Variants in GRID1 observed in about 807,000 individuals in gnomAD.
GRID1 encodes the protein glutamate ionotropic receptor delta type subunit 1.
Under a neutral mutation model 98.0 loss-of-function variants are expected in GRID1, and 28 were observed. That is an observed-to-expected ratio of 0.29 (90% CI 0.21 to 0.39). GRID1 has a LOEUF of 0.39. Ranked by LOEUF, GRID1 falls within the 10% of genes least tolerant of loss-of-function variation. GRID1 has a pLI of 1.00. For missense variants in GRID1, 1,111 were observed against 1,340.5 expected, an observed-to-expected ratio of 0.83 and a Z score of 2.67; for synonymous variants, 553 against 538.5, an observed-to-expected ratio of 1.03 and a Z score of -0.37.
At chr10:86,322,882 A>G (rs1437610612) in intron 2 of GRID1, among the ~76,000 whole-genome samples, 1 of 150,898 alleles carries the variant, frequency 6.6e-6, no homozygotes, top group Non-Finnish European at 1.5e-5. Flanking sequence ...ACTTCAGGCC[A>G]GGAGTTCAAG....
At chr10:85,850,440 C>A (rs1180733361) in intron 8 of GRID1, among the ~76,000 whole-genome samples, 3 of 152,216 alleles carry the variant, frequency 2.0e-5, no homozygotes. Context: ...TCCCTCTCAG[C>A]CCTTGGTCTT....
intron 12 of GRID1, among the ~76,000 whole-genome samples, chr10:85,706,080 C>G (rs1479714687): frequency 6.6e-6 from 1 of 152,170 alleles, no homozygotes; most frequent in African/African-American, 2.4e-5. Flanking sequence ...CTCACCACTC[C>G]TATTTAACAT....
At chr10:85,924,307 A>AT (rs1396788070) in intron 4 of GRID1, among the ~76,000 whole-genome samples, 2 of 152,122 alleles carry the variant, frequency 1.3e-5, no homozygotes, top group Non-Finnish European at 2.9e-5. Context: ...TATACACTTG[A>AT]TTTTTGGTTA....
At chr10:86,018,420 T>C (rs777029251) in intron 4 of GRID1, among the ~76,000 whole-genome samples, 2 of 152,252 alleles carry the variant, frequency 1.3e-5, no homozygotes, top group Non-Finnish European at 2.9e-5. Flanking sequence ...ATGTAGCAAA[T>C]GCTACAAGAC....
chr10:85,935,369 T>C (rs1017617104), intron 4 of GRID1, among the ~76,000 whole-genome samples: 1 of 152,154 alleles, frequency 6.6e-6, no homozygotes, highest in Non-Finnish European at 1.5e-5. Context: ...AGATTACAAA[T>C]ATCCTCCCAA....
Position 86,064,043 on chromosome 10 carries a change from G to A in GRID1, c.726+74776C>T, listed in dbSNP as rs141900436. ...TAATGATGTTTATCTCAAGGTACTG[G>A]GAACTTGTGTAATTTTAAATTGTTC... On this transcript the variant is annotated intron_variant, in intron 4 of 15. Coordinates refer to ENST00000327946, the MANE Select transcript of GRID1 (RefSeq NM_017551.3). 9.7e-3 allele frequency among the ~76,000 whole-genome samples: 1,470 copies of A among 152,226 alleles called. 20 individuals are homozygous for A. The highest frequency in any genetic ancestry group is 0.024 in the Middle Eastern group (7 of 294).
intron 8 of GRID1, among the ~76,000 whole-genome samples, chr10:85,814,798 T>A (rs1842702027): frequency 6.6e-6 from 1 of 151,942 alleles, no homozygotes; most frequent in Non-Finnish European, 1.5e-5. Context: ...TAAAAACCTT[T>A]CAAAAGGCCC....
intron 4 of GRID1, among the ~76,000 whole-genome samples, chr10:86,049,444 T>A (rs192095876): frequency 1.1e-4 from 17 of 152,322 alleles, no homozygotes; most frequent in African/African-American, 4.1e-4. Context: ...CTGGTGGAGA[T>A]GCGGCTACTA....
At chr10:86,282,049 C>T (rs1477426626) in intron 2 of GRID1, among the ~76,000 whole-genome samples, 1 of 152,234 alleles carries the variant, frequency 6.6e-6, no homozygotes, top group East Asian at 1.9e-4. Context: ...CATCCCCATC[C>T]CACAGAGTGG....
At chr10:85,638,306 C>T (rs965243620) in intron 13 of GRID1, among the ~76,000 whole-genome samples, 1 of 151,958 alleles carries the variant, frequency 6.6e-6, no homozygotes, top group African/African-American at 2.4e-5. Context: ...AATGTAATAA[C>T]GATCAAAATC....
intron 2 of GRID1, among the ~76,000 whole-genome samples, chr10:86,222,562 G>A (rs1387467277): frequency 6.6e-6 from 1 of 152,108 alleles, no homozygotes; most frequent in Non-Finnish European, 1.5e-5. Flanking sequence ...TGGGGAGCAG[G>A]CCTGTTCACT....
chr10:85,765,732 A>T (rs1842191671), intron 8 of GRID1, among the ~76,000 whole-genome samples: 1 of 152,280 alleles, frequency 6.6e-6, no homozygotes, highest in South Asian at 2.1e-4. Context: ...AATCCAAAAC[A>T]CTTCTGGTCC....
At chr10:86,182,362 A>G (rs982946105) in intron 3 of GRID1, among the ~76,000 whole-genome samples, 43 of 152,202 alleles carry the variant, frequency 2.8e-4, no homozygotes, top group African/African-American at 1.0e-3. Flanking sequence ...GATCGCCACT[A>G]ATGAATTTCT....
chr10:86,247,465 G>A (rs548059905), intron 2 of GRID1, among the ~76,000 whole-genome samples: 1 of 152,210 alleles, frequency 6.6e-6, no homozygotes, highest in East Asian at 1.9e-4. Context: ...GAGTATAAAA[G>A]GATTGACAGA....
At chr10:86,104,167 T>C (rs547746473) in intron 4 of GRID1, among the ~76,000 whole-genome samples, 1 of 152,272 alleles carries the variant, frequency 6.6e-6, no homozygotes, top group East Asian at 1.9e-4. Flanking sequence ...CTTGGAGACA[T>C]ACGGACCAGG....
intron 8 of GRID1, among the ~76,000 whole-genome samples, chr10:85,839,918 A>G (rs1411208941): frequency 2.6e-5 from 4 of 152,166 alleles, no homozygotes; most frequent in African/African-American, 9.6e-5. Context: ...AAATAAAAGC[A>G]GCATATTACC....
At chr10:86,225,308 G>A (rs536741924) in intron 2 of GRID1, among the ~76,000 whole-genome samples, 2 of 152,316 alleles carry the variant, frequency 1.3e-5, no homozygotes, top group African/African-American at 4.8e-5. Context: ...ACCAGCAAAG[G>A]AAACTGCCCA....
chr10:86,140,307 G>A (rs1232524868), intron 3 of GRID1, among the ~76,000 whole-genome samples: 4 of 152,232 alleles, frequency 2.6e-5, no homozygotes, highest in Admixed American at 2.6e-4. Flanking sequence ...ATGCCCACAG[G>A]CACGGCCTGG....
intron 8 of GRID1, among the ~76,000 whole-genome samples, chr10:85,751,850 T>C (rs1286418248): frequency 6.6e-6 from 1 of 152,186 alleles, no homozygotes; most frequent in Non-Finnish European, 1.5e-5. Context: ...TGTGCTTTTA[T>C]AATGAGCAAA....
Sources: allele counts gnomAD v4.1 joint callset (sites outside exome capture counted in the v4.1 genomes callset), GRCh38; gene constraint gnomAD v4.1.1; transcripts MANE v1.5; gene names NCBI Gene and HGNC (gene_info 2026-07-23, HGNC 2026-07-21).